The following CYP2C8 variants were observed in gnomAD, a reference collection of about 807,000 sequenced individuals.
CYP2C8 encodes the protein cytochrome P450 family 2 subfamily C member 8.
In CYP2C8, 51 loss-of-function variants were observed where a neutral mutation model predicts 41.3. The ratio of observed to expected loss-of-function variants is 1.24; its 90% CI spans 0.99 to 1.56. CYP2C8 has a LOEUF of 1.56. Ranked by LOEUF, CYP2C8 falls within the 40% of genes most tolerant of loss-of-function variation. The pLI is 0.00. For synonymous variants in CYP2C8, 218 were observed against 205.8 expected, an observed-to-expected ratio of 1.06 and a Z score of -0.51; for missense variants, 651 against 579.9, an observed-to-expected ratio of 1.12 and a Z score of -1.26.
At chr10:95,047,340 A>C (rs546455223) in intron 5 of CYP2C8, among the ~76,000 whole-genome samples, 2 of 152,316 alleles carry the variant, frequency 1.3e-5, no homozygotes, top group East Asian at 3.9e-4. Flanking sequence ...GTTTATAGAT[A>C]TAGGTAAATT....
intron 5 of CYP2C8, 39 bp downstream of exon 5, chr10:95,058,296 A>G (rs772813139): frequency 1.2e-6 from 2 of 1,610,678 alleles, no homozygotes; most frequent in Middle Eastern, 2.0e-4. Flanking sequence ...CACAAAATGG[A>G]CAAGAAATCA....
intron 5 of CYP2C8, among the ~76,000 whole-genome samples, chr10:95,050,598 A>G (rs895817189): frequency 6.6e-6 from 1 of 152,242 alleles, no homozygotes. Flanking sequence ...ATTTGGGAGA[A>G]ATTAAGGGAA....
intron 5 of CYP2C8, among the ~76,000 whole-genome samples, chr10:95,046,932 TA>T (rs1159671753): frequency 1.3e-5 from 2 of 152,180 alleles, no homozygotes; most frequent in African/African-American, 4.8e-5. Context: ...TGTTGAAACT[TA>T]ATCCCCATTG....
chr10:95,041,161 C>T (rs866860976), intron 7 of CYP2C8, among the ~76,000 whole-genome samples: 4 of 151,978 alleles, frequency 2.6e-5, no homozygotes, highest in African/African-American at 9.7e-5. Flanking sequence ...ACATTCATGA[C>T]ACAAATTTAT....
At chr10:95,040,838 G>C in intron 7 of CYP2C8, 1 of 449,348 alleles carries the variant, frequency 2.2e-6, no homozygotes, top group South Asian at 1.6e-5. Flanking sequence ...GGCATTTCAA[G>C]GATACAACTA....
intron 5 of CYP2C8, 99 bp from the exon 6 acceptor site, chr10:95,046,050 A>C (rs561519677): frequency 7.4e-6 from 10 of 1,358,266 alleles, no homozygotes; most frequent in Middle Eastern, 2.1e-4. Context: ...GTTAGCCAAA[A>C]GAGATACTGG....
intron 4 of CYP2C8, among the ~76,000 whole-genome samples, chr10:95,063,973 C>T (rs917679276): frequency 2.6e-5 from 4 of 152,264 alleles, no homozygotes; most frequent in South Asian, 2.1e-4. Flanking sequence ...TGTTGCTGCC[C>T]GATCGTTCCT....
chr10:95,053,989 G>T (rs546244750), intron 5 of CYP2C8, among the ~76,000 whole-genome samples: 5 of 152,120 alleles, frequency 3.3e-5, no homozygotes, highest in Middle Eastern at 3.4e-3. Context: ...ATAATAAAAT[G>T]TATTTATAAA....
intron 3 of CYP2C8, among the ~76,000 whole-genome samples, chr10:95,065,242 G>C (rs982235555): frequency 2.5e-4 from 38 of 152,118 alleles, no homozygotes; most frequent in African/African-American, 9.2e-4. Context: ...ATTTTGGAAG[G>C]AAAAAGAAGA....
chr10:95,038,598 T>C (rs2032932393), intron 8 of CYP2C8, among the ~76,000 whole-genome samples: 1 of 152,064 alleles, frequency 6.6e-6, no homozygotes, highest in African/African-American at 2.4e-5. Flanking sequence ...AGATGAATTT[T>C]ACCTTCTAGG....
At chr10:95,057,060 G>A (rs1053693211) in intron 5 of CYP2C8, among the ~76,000 whole-genome samples, 13 of 152,138 alleles carry the variant, frequency 8.5e-5, no homozygotes, top group African/African-American at 3.1e-4. Flanking sequence ...CATATTAAGG[G>A]ACAGTTTGTG....
intron 6 of CYP2C8, among the ~76,000 whole-genome samples, chr10:95,045,296 C>T (rs1759975525): frequency 2.6e-5 from 4 of 152,164 alleles, no homozygotes; most frequent in African/African-American, 7.2e-5. Flanking sequence ...ATGGCCTCTG[C>T]TTAAATAGAA....
intron 5 of CYP2C8, among the ~76,000 whole-genome samples, chr10:95,053,119 A>T (rs1404039546): frequency 6.6e-6 from 1 of 152,174 alleles, no homozygotes; most frequent in Non-Finnish European, 1.5e-5. Context: ...ATATACAAAA[A>T]TCGGTAGTAT....
At chr10:95,065,038 A>G (rs2033530723) in intron 3 of CYP2C8, 78 bp from the exon 4 acceptor site, 3 of 1,233,654 alleles carry the variant, frequency 2.4e-6, no homozygotes, top group Non-Finnish European at 2.1e-6. Context: ...GACATAAAGG[A>G]AATTTAGAAA....
intron 5 of CYP2C8, among the ~76,000 whole-genome samples, chr10:95,049,601 G>A (rs1194087722): frequency 6.6e-6 from 1 of 152,144 alleles, no homozygotes; most frequent in Non-Finnish European, 1.5e-5. Flanking sequence ...GGTTGGAACC[G>A]AGTTTCTACA....
At chr10:95,061,242 T>G (rs57627758) in intron 4 of CYP2C8, among the ~76,000 whole-genome samples, 1 of 152,240 alleles carries the variant, frequency 6.6e-6, no homozygotes, top group Non-Finnish European at 1.5e-5. Flanking sequence ...GTACCTCTGA[T>G]AGAATTTGGC....
chr10:95,045,889 T>C lies in CYP2C8; in HGVS notation c.882A>G (p.Leu294=), dbSNP rs1487881407. ...TTGTTGTCTCTGTTCCAGCAACAAA[T>C]AGATCAGCTACAGTGCCAACCAAGT... ...IENLVGTVAD[L]FVAGTETTST... Residue 294 remains leucine (L), a synonymous_variant, in exon 6 of 9, where the codon CTA becomes CTG. Coordinates refer to ENST00000371270, the MANE Select transcript of CYP2C8 (RefSeq NM_000770.3). 1.9e-6 allele frequency: 3 copies of C among 1,613,988 alleles called. No homozygotes were observed. The highest frequency in any genetic ancestry group is 2.5e-6 in the Non-Finnish European group (3 of 1,179,944).
chr10:95,053,763 T>TG (rs910941960), intron 5 of CYP2C8, among the ~76,000 whole-genome samples: 1 of 149,792 alleles, frequency 6.7e-6, no homozygotes, highest in African/African-American at 2.5e-5. Context: ...CAGGGCCTGT[T>TG]GGGGGGTGGG....
At chr10:95,067,109 G>A in intron 3 of CYP2C8, 99 bp downstream of exon 3, 3 of 1,522,788 alleles carry the variant, frequency 2.0e-6, no homozygotes, top group Non-Finnish European at 1.8e-6. Context: ...CAACCAGGAT[G>A]CGCAATGAAG....
Sources: gnomAD v4.1 joint callset for allele counts (sites outside exome capture counted in the v4.1 genomes callset) on GRCh38, gnomAD v4.1.1 for gene constraint, MANE v1.5 for transcripts, NCBI Gene and HGNC (gene_info 2026-07-23, HGNC 2026-07-21) for gene names.